PCDHGB7: variants seen among roughly 807,000 people sequenced by gnomAD.
PCDHGB7 encodes the protein protocadherin gamma subfamily B, 7.
Under a neutral mutation model 61.4 loss-of-function variants are expected in PCDHGB7, and 37 were observed. The ratio of observed to expected loss-of-function variants is 0.60; its 90% CI spans 0.46 to 0.79. The LOEUF is 0.79. PCDHGB7 is among the 30% of genes least tolerant of loss of function. The pLI is 0.00. For missense variants in PCDHGB7, 1,166 were observed against 1,202.5 expected (o/e 0.97, Z 0.45); for synonymous variants, 464 against 503.5 (o/e 0.92, Z 1.05).
In PCDHGB7 at chr5:141,511,236, C is replaced by T; in HGVS notation, c.*63C>T. 4 of 1,591,606 alleles carry T rather than the reference C, an allele frequency of 2.5e-6. No individual in the cohort carries two copies. Among genetic ancestry groups the T allele is most frequent in the Admixed American group, 3.6e-5 (2 of 56,022 alleles). ...CCCAACCAGCCCAGCTTCTCCTTAC[C>T]TGCACCCAGGCCTCAGAGTTTCAGG... On this transcript the variant is annotated 3_prime_UTR_variant, in exon 4 of 4. Transcript: ENST00000398594.
intron 1 of PCDHGB7, among the ~76,000 whole-genome samples, chr5:141,460,369 T>C (rs1048970945): frequency 2.1e-4 from 32 of 152,322 alleles, no homozygotes; most frequent in African/African-American, 7.7e-4. Flanking sequence ...AGTTTTATAG[T>C]TTTACCATTT....
intron 2 of PCDHGB7, 164 bp downstream of exon 2, chr5:141,495,029 G>A: frequency 2.1e-6 from 2 of 968,864 alleles, no homozygotes; most frequent in Non-Finnish European, 2.5e-6. Flanking sequence ...ACAGACCCCG[G>A]AAGGAAGAGG....
At chr5:141,465,467 C>T (rs2099103834) in intron 1 of PCDHGB7, among the ~76,000 whole-genome samples, 1 of 152,178 alleles carries the variant, frequency 6.6e-6, no homozygotes, top group Non-Finnish European at 1.5e-5. Flanking sequence ...CCAAATTGCC[C>T]TTGCTTCATG....
At chr5:141,444,178 TTTTTTTTTTTG>T in intron 1 of PCDHGB7, among the ~76,000 whole-genome samples, 1 of 134,050 alleles carries the variant, frequency 7.5e-6, no homozygotes, top group Admixed American at 7.5e-5. Flanking sequence ...TTTTTTTTTT[TTTTTTTTTTTG>T]AGATGGAGTT....
chr5:141,423,904 G>A, intron 1 of PCDHGB7: 2 of 1,275,052 alleles, frequency 1.6e-6, no homozygotes, highest in Middle Eastern at 3.1e-4. Flanking sequence ...TGATTTCAAA[G>A]GGGCCATTCA....
intron 1 of PCDHGB7, among the ~76,000 whole-genome samples, chr5:141,482,689 C>T (rs145383957): frequency 7.1e-6 from 1 of 140,984 alleles, no homozygotes; most frequent in East Asian, 1.9e-4. Flanking sequence ...GCTTGTCAGA[C>T]AGTAAAGGGG....
At chr5:141,478,795 C>T (rs919747545) in intron 1 of PCDHGB7, 7 of 1,468,056 alleles carry the variant, frequency 4.8e-6, no homozygotes, top group Non-Finnish European at 6.3e-6. Flanking sequence ...ACATCCTCAG[C>T]ACTCTTTTGC....
rs2099521625 is a variant in PCDHGB7, at chr5:141,480,568, G to A, written c.2416-14239G>A. 2.0e-5 allele frequency among the ~76,000 whole-genome samples: 3 copies of A among 152,338 alleles called. No individual in the cohort carries two copies. The South Asian group carries it at 6.2e-4, about 32-fold the overall frequency. Reference sequence around the variant, plus strand: ...AAAGGCTAAGAAAGCATGAAAGCCAGCAAGAAATAACTGCCGCTCTTCTGG... The same window carrying A: ...AAAGGCTAAGAAAGCATGAAAGCCAACAAGAAATAACTGCCGCTCTTCTGG... On this transcript the variant is annotated intron_variant, in intron 1 of 3. Coordinates refer to ENST00000398594, the MANE Select transcript of PCDHGB7 (RefSeq NM_018927.4).
At chr5:141,495,073 C>T (rs1464039604) in intron 2 of PCDHGB7, among the ~76,000 whole-genome samples, 1 of 152,186 alleles carries the variant, frequency 6.6e-6, no homozygotes, top group Non-Finnish European at 1.5e-5. Flanking sequence ...GCTCAATTCA[C>T]ATGCTTGCCC....
At chr5:141,443,054 A>G (rs1591749542) in intron 1 of PCDHGB7, among the ~76,000 whole-genome samples, 1 of 152,218 alleles carries the variant, frequency 6.6e-6, no homozygotes. Flanking sequence ...TTATTGTTCC[A>G]CTGAAGAGCG....
chr5:141,437,765 G>C (rs1561886251), intron 1 of PCDHGB7, among the ~76,000 whole-genome samples: 1 of 148,074 alleles, frequency 6.8e-6, no homozygotes, highest in African/African-American at 2.5e-5. Flanking sequence ...TTGAGACAGA[G>C]TCTCAATCTG....
chr5:141,474,563 A>G lies in PCDHGB7; in HGVS notation c.2416-20244A>G, dbSNP rs143794984. 1.4e-3 allele frequency among the ~76,000 whole-genome samples: 210 copies of G among 152,332 alleles called. 2 individuals are homozygous for G. The highest frequency in any genetic ancestry group is 5.0e-3 in the African/African-American group (207 of 41,572). ...TGAGCATTTAAAACTGGGGGTTTTC[A>G]GAGATTAATTGAAGTGTTAAAGACA... On this transcript the variant is annotated intron_variant, in intron 1 of 3. Coordinates refer to ENST00000398594, the MANE Select transcript of PCDHGB7 (RefSeq NM_018927.4).
chr5:141,421,077 A>G (rs975269359), intron 1 of PCDHGB7: 1 of 619,100 alleles, frequency 1.6e-6, no homozygotes, highest in Non-Finnish European at 2.7e-6. Context: ...TGAGATGGAT[A>G]CTCACAGATC....
rs747671382 is a variant in PCDHGB7 at position 141,444,152 on chromosome 5, A to ATTTTTT, written c.2415+23909_2415+23914dup. ...GATATGTGTCACTTGTGTGTACTGG[A>ATTTTTT]TTTTTTTTTTTTTTTTTTTTTTTTT... On this transcript the variant is annotated intron_variant, in intron 1 of 3. Coordinates refer to ENST00000398594, the MANE Select transcript of PCDHGB7 (RefSeq NM_018927.4). Among the ~76,000 whole-genome samples the ATTTTTT allele has an allele frequency of 3.5e-4, 12 of 33,898 alleles. 1 individual carries two copies. Among genetic ancestry groups the ATTTTTT allele is most frequent in the African/African-American group, 4.2e-4 (3 of 7,184 alleles). The allele number at this position is 33,898 out of a possible 152,430, so 22.2% of individuals were successfully genotyped here.
intron 1 of PCDHGB7, chr5:141,427,723 G>T: frequency 8.9e-7 from 1 of 1,127,490 alleles, no homozygotes; most frequent in East Asian, 2.4e-5. Flanking sequence ...CTGGACCTAG[G>T]GCTGAATGGC....
rs757797019 is a variant in PCDHGB7 at position 141,487,064 on chromosome 5, G to A, written c.2416-7743G>A. On this transcript the variant is annotated intron_variant, in intron 1 of 3. Transcript: ENST00000398594. The surrounding 1 kb of genome is among the most constrained non-coding windows in gnomAD (Gnocchi z 5.0). The stretch of plus-strand genomic sequence containing the variant: ...TCGATATGCTGGGGAGGTGCGGACG[G>A]CTGTTCCTATCCCAGCTGACCTCCC... 6.2e-6 allele frequency: 10 copies of A among 1,614,006 alleles called. No individual in the cohort carries two copies.
At chr5:141,424,762 A>T (rs1002777641) in intron 1 of PCDHGB7, 8 of 152,124 alleles carry the variant, frequency 5.3e-5, no homozygotes, top group African/African-American at 1.9e-4. Context: ...GGTCATTCTT[A>T]TGGCAAATAG....
At position 141,460,518 on chromosome 5, in the gene PCDHGB7, C is replaced by T. The variant is rs190277142; in HGVS notation, c.2416-34289C>T. ...AAATATGCTGAGAAGGCTATCTTTT[C>T]CCCACCAAATAATCTTAGCACCTTA... On this transcript the variant is annotated intron_variant, in intron 1 of 3. Coordinates refer to ENST00000398594, the MANE Select transcript of PCDHGB7 (RefSeq NM_018927.4). Among the ~76,000 whole-genome samples, 53 of 152,196 alleles carry T rather than the reference C, an allele frequency of 3.5e-4. 1 individual carries two copies. Among genetic ancestry groups the T allele is most frequent in the African/African-American group, 1.2e-3 (50 of 41,522 alleles).
chr5:141,451,745 G>T (rs562443882), intron 1 of PCDHGB7, among the ~76,000 whole-genome samples: 36 of 152,242 alleles, frequency 2.4e-4, no homozygotes, highest in Middle Eastern at 3.4e-3. Context: ...AGCTGGTCTG[G>T]TGGTGCATGC....
Sources: allele counts gnomAD v4.1 joint callset (sites outside exome capture counted in the v4.1 genomes callset), GRCh38; gene constraint gnomAD v4.1.1; non-coding constraint Gnocchi (gnomAD v3.1); transcripts MANE v1.5; gene names NCBI Gene and HGNC (gene_info 2026-07-23, HGNC 2026-07-21).